The following RUNX2 variants were observed in gnomAD, a reference collection of about 807,000 sequenced individuals.
RUNX2 encodes the protein runt-related transcription factor 2.
A neutral mutation model predicts 51.7 loss-of-function variants in RUNX2; 10 were observed. The observed-to-expected ratio is 0.19, with a 90% CI of 0.12 to 0.33. The LOEUF is 0.33. Ranked by LOEUF, RUNX2 falls within the 10% of genes least tolerant of loss-of-function variation. The pLI is 1.00. For synonymous variants in RUNX2, 276 were observed against 273.6 expected (o/e 1.01, Z -0.09); for missense variants, 562 against 691.3 (o/e 0.81, Z 2.10).
rs1038080370 is a variant in RUNX2, at chr6:45,431,793, T to G, written c.424-70T>G. ...TCCTGATAAGACACATCATTTGCAA[T>G]GAGAATATATTCTGTTTGTAAGCCT... On this transcript the variant is annotated intron_variant, in intron 3 of 8. Transcript: ENST00000647337. The G allele has an allele frequency of 4.6e-5, 70 of 1,530,432 alleles. 1 individual carries two copies. Among genetic ancestry groups the G allele is most frequent in the Admixed American group, 3.3e-4 (20 of 59,888 alleles). 94.8% of individuals were successfully genotyped at this position (1,530,432 alleles called of 1,614,324 possible).
At chr6:45,408,175 T>C (rs1052053067) in intron 2 of RUNX2, among the ~76,000 whole-genome samples, 2 of 150,506 alleles carry the variant, frequency 1.3e-5, no homozygotes, top group African/African-American at 4.9e-5. Context: ...TTATTTTTTA[T>C]TTTTTTTTGA....
intron 2 of RUNX2, among the ~76,000 whole-genome samples, chr6:45,368,459 T>C (rs1220963481): frequency 4.6e-5 from 7 of 152,152 alleles, no homozygotes; most frequent in Admixed American, 4.6e-4. Context: ...TTAATTGTAG[T>C]GAAGTTAATC....
chr6:45,532,600 A>G (rs1377727552), intron 7 of RUNX2, among the ~76,000 whole-genome samples: 1 of 152,182 alleles, frequency 6.6e-6, no homozygotes, highest in Non-Finnish European at 1.5e-5. Context: ...GAAGAAGAAA[A>G]AAAATGAACC....
Position 45,530,087 on chromosome 6 carries a change from A to C in RUNX2, c.1022-15130A>C, listed in dbSNP as rs547141278. ...TTTGCAAGCTAGTATTTGAGGTGTCAGCTTTGGACTTGCAAAGCCACAGCT... is the reference window on the plus strand; with the variant it reads ...TTTGCAAGCTAGTATTTGAGGTGTCCGCTTTGGACTTGCAAAGCCACAGCT... On this transcript the variant is annotated intron_variant, in intron 7 of 8. Transcript: ENST00000647337. Among the ~76,000 whole-genome samples, 52 of 152,354 alleles carry C rather than the reference A, an allele frequency of 3.4e-4. No individual in the cohort carries two copies. The South Asian group carries it at 5.0e-3, about 15-fold the overall frequency.
At chr6:45,537,808 G>A (rs1295600947) in intron 7 of RUNX2, among the ~76,000 whole-genome samples, 4 of 152,110 alleles carry the variant, frequency 2.6e-5, no homozygotes, top group Admixed American at 6.6e-5. Context: ...GAAACGCTGC[G>A]CAGATTTTTC....
intron 7 of RUNX2, chr6:45,513,303 A>C (rs1423058049): frequency 6.6e-6 from 1 of 152,298 alleles, no homozygotes; most frequent in Non-Finnish European, 1.5e-5. Context: ...ACAGAGGCAC[A>C]CACCCCATTG....
At chr6:45,460,595 A>G (rs1799447581) in intron 5 of RUNX2, among the ~76,000 whole-genome samples, 1 of 152,160 alleles carries the variant, frequency 6.6e-6, no homozygotes, top group Admixed American at 6.5e-5. Flanking sequence ...TGAACTGTTA[A>G]GAACGAGTGA....
At chr6:45,405,209 A>C (rs190330512) in intron 2 of RUNX2, among the ~76,000 whole-genome samples, 13 of 152,374 alleles carry the variant, frequency 8.5e-5, no homozygotes, top group African/African-American at 3.1e-4. Flanking sequence ...TTTATCTGGC[A>C]ATTAAGTGTG....
intron 6 of RUNX2, among the ~76,000 whole-genome samples, chr6:45,497,135 C>G (rs924507632): frequency 6.6e-6 from 1 of 152,168 alleles, no homozygotes; most frequent in Non-Finnish European, 1.5e-5. Flanking sequence ...GTAAAACTGC[C>G]TTTGCAGACA....
chr6:45,385,327 T>C (rs1797327208), intron 2 of RUNX2, among the ~76,000 whole-genome samples: 1 of 152,204 alleles, frequency 6.6e-6, no homozygotes, highest in Admixed American at 6.5e-5. Context: ...CCCAAGTTTT[T>C]TTCTTATTTC....
rs1163048266 is a variant in RUNX2 at position 45,332,013 on chromosome 6, C to A, written c.58+3229C>A. Among the ~76,000 whole-genome samples the A allele has an allele frequency of 2.6e-5, 4 of 151,986 alleles. 1 individual carries two copies. In the East Asian group the frequency reaches 7.7e-4, roughly 29 times the overall value. On this transcript the variant is annotated intron_variant, in intron 2 of 8. Transcript: ENST00000647337. ...TTGAAGGCACTAAGATTTTATCAAA[C>A]ACACAGAATTAATATTTATTGAATA...
chr6:45,376,269 C>A (rs1796762252), intron 2 of RUNX2, among the ~76,000 whole-genome samples: 1 of 152,164 alleles, frequency 6.6e-6, no homozygotes, highest in Non-Finnish European at 1.5e-5. Context: ...AATATAATTA[C>A]AATTCCCTAT....
At chr6:45,482,740 G>T (rs1167453581) in intron 5 of RUNX2, among the ~76,000 whole-genome samples, 2 of 152,078 alleles carry the variant, frequency 1.3e-5, no homozygotes, top group Admixed American at 6.6e-5. Flanking sequence ...GGAGTCTATG[G>T]TTTAACCATG....
chr6:45,513,828 G>A (rs1801237443), intron 7 of RUNX2, among the ~76,000 whole-genome samples: 1 of 152,126 alleles, frequency 6.6e-6, no homozygotes, highest in Admixed American at 6.5e-5. Flanking sequence ...GATCACCGTC[G>A]CCTTCAGGCA....
chr6:45,387,961 A>G (rs1387874488), intron 2 of RUNX2, among the ~76,000 whole-genome samples: 1 of 152,220 alleles, frequency 6.6e-6, no homozygotes, highest in Non-Finnish European at 1.5e-5. Flanking sequence ...ATTCTTCCCA[A>G]GAAATTGGCC....
At position 45,397,020 on chromosome 6, in the gene RUNX2, A is replaced by G. The variant is rs566353936; in HGVS notation, c.59-25573A>G. On this transcript the variant is annotated intron_variant, in intron 2 of 8. Transcript: ENST00000647337. ...TTTTGTGTAGATATGTGTATAGTAT[A>G]TATATGTAGTATATATGTTTTTATT... Among the ~76,000 whole-genome samples the G allele has an allele frequency of 2.4e-4, 37 of 152,056 alleles. 1 individual carries two copies. Among genetic ancestry groups the G allele is most frequent in the Non-Finnish European group, 4.9e-4 (33 of 68,032 alleles).
chr6:45,478,920 C>G (rs1206086331), intron 5 of RUNX2, among the ~76,000 whole-genome samples: 5 of 151,718 alleles, frequency 3.3e-5, no homozygotes, highest in Non-Finnish European at 7.4e-5. Context: ...GATGGAGTCT[C>G]TCTGTCGCCC....
intron 5 of RUNX2, among the ~76,000 whole-genome samples, chr6:45,449,900 C>A (rs918866629): frequency 6.6e-6 from 1 of 151,974 alleles, no homozygotes; most frequent in Non-Finnish European, 1.5e-5. Context: ...AAAAATTGCA[C>A]ACTAGAAAAT....
At chr6:45,356,913 A>G (rs867155667) in intron 2 of RUNX2, among the ~76,000 whole-genome samples, 1 of 152,350 alleles carries the variant, frequency 6.6e-6, no homozygotes, top group Middle Eastern at 3.4e-3. Flanking sequence ...AATTTACTGT[A>G]ACGAGGCAAA....
Sources: allele counts gnomAD v4.1 joint callset (sites outside exome capture counted in the v4.1 genomes callset), GRCh38; gene constraint gnomAD v4.1.1; transcripts MANE v1.5; gene names NCBI Gene and HGNC (gene_info 2026-07-23, HGNC 2026-07-21).